Variants in TMEM232 observed in about 807,000 individuals in gnomAD.
TMEM232 encodes the protein transmembrane protein 232.
A neutral mutation model predicts 78.8 loss-of-function variants in TMEM232; 80 were observed. The ratio of observed to expected loss-of-function variants is 1.01; its 90% CI spans 0.85 to 1.22. The LOEUF (loss-of-function observed/expected upper bound fraction) is 1.22, where lower values mean the gene tolerates loss of function less well. Ranked by LOEUF, TMEM232 falls within the 50% of genes most tolerant of loss-of-function variation. The pLI, the probability that TMEM232 is intolerant of heterozygous loss-of-function variation, is 0.00. For synonymous variants in TMEM232, 297 were observed against 254.3 expected (o/e 1.17, Z -1.60); for missense variants, 881 against 742.2 (o/e 1.19, Z -2.17).
At chr5:110,507,986 T>C (rs1021695480) in intron 12 of TMEM232, among the ~76,000 whole-genome samples, 4 of 152,194 alleles carry the variant, frequency 2.6e-5, no homozygotes, top group Admixed American at 1.3e-4. Context: ...TAATAGGTGG[T>C]TGACTTGTCA....
At chr5:110,623,605 G>C (rs1458200730) in intron 7 of TMEM232, among the ~76,000 whole-genome samples, 1 of 152,116 alleles carries the variant, frequency 6.6e-6, no homozygotes, top group Non-Finnish European at 1.5e-5. Context: ...ACCTGGAAAA[G>C]CTAGCTGTAC....
intron 3 of TMEM232, among the ~76,000 whole-genome samples, chr5:110,395,585 AT>A (rs1199960150): frequency 6.6e-6 from 1 of 152,134 alleles, no homozygotes; most frequent in Non-Finnish European, 1.5e-5. Flanking sequence ...AAACTTACAA[AT>A]TTTCAGATTG....
intron 12 of TMEM232, among the ~76,000 whole-genome samples, chr5:110,490,119 CAAAAAGAAAGAA>C (rs1211363360): frequency 5.3e-5 from 4 of 75,658 alleles, no homozygotes; most frequent in African/African-American, 1.6e-4. Flanking sequence ...AACTCCGTTT[CAAAAAGAAAGAA>C]AGAAAGAAAG....
At chr5:110,550,429 G>C (rs1774307524) in intron 11 of TMEM232, among the ~76,000 whole-genome samples, 1 of 151,844 alleles carries the variant, frequency 6.6e-6, no homozygotes. Context: ...AGTAAAATAA[G>C]ATAAGAAAAT....
At chr5:110,711,912 C>T (rs1321744376) in intron 1 of TMEM232, among the ~76,000 whole-genome samples, 1 of 151,810 alleles carries the variant, frequency 6.6e-6, no homozygotes, top group Non-Finnish European at 1.5e-5. Context: ...CAAGACCATA[C>T]CGGCTAACAC....
intron 2 of TMEM232, among the ~76,000 whole-genome samples, chr5:110,656,673 C>T (rs548522183): frequency 2.0e-5 from 3 of 151,976 alleles, no homozygotes; most frequent in Non-Finnish European, 4.4e-5. Context: ...CCCGTCTCTA[C>T]TAAAAATACA....
intron 11 of TMEM232, among the ~76,000 whole-genome samples, chr5:110,533,684 A>G (rs1388648363): frequency 1.8e-4 from 27 of 152,146 alleles, no homozygotes; most frequent in Admixed American, 1.8e-3. Flanking sequence ...CCGGACTTCA[A>G]TCTGGCCTCC....
upstream of TMEM232, chr5:110,738,163 A>C (rs760907652): frequency 2.5e-6 from 3 of 1,211,332 alleles, no homozygotes; most frequent in East Asian, 6.3e-5. Flanking sequence ...AACGAGTTGA[A>C]GGAACATAGG....
rs1774025145 is a variant in TMEM232, at chr5:110,548,270, A to G, written c.1456-19435T>C. 3.3e-5 allele frequency among the ~76,000 whole-genome samples: 5 copies of G among 150,806 alleles called. No individual in the cohort carries two copies. In the South Asian group the frequency reaches 1.0e-3, roughly 31 times the overall value. On this transcript the variant is annotated intron_variant, in intron 11 of 13. Transcript: ENST00000455884. ...CACACACACATACACGAACACATCC[A>G]GATATACATACACATAATTAAAATG...
At chr5:110,413,874 A>G (rs748142686) in intron 2 of TMEM232, among the ~76,000 whole-genome samples, 6 of 152,232 alleles carry the variant, frequency 3.9e-5, no homozygotes, top group African/African-American at 1.4e-4. Flanking sequence ...GACACTGTAA[A>G]TTGTCAAGCC....
downstream of TMEM232, among the ~76,000 whole-genome samples, chr5:110,415,249 G>A (rs1756152719): frequency 6.6e-6 from 1 of 150,544 alleles, no homozygotes; most frequent in Admixed American, 6.6e-5. Flanking sequence ...GTGCAGTGGT[G>A]CGATCTCGGT....
downstream of TMEM232, among the ~76,000 whole-genome samples, chr5:110,418,402 T>C (rs907938589): frequency 6.6e-6 from 1 of 152,138 alleles, no homozygotes; most frequent in African/African-American, 2.4e-5. Flanking sequence ...CCCACAGTCT[T>C]TGCTAATATT....
chr5:110,407,422 TAAAG>T (rs1243025372), intron 2 of TMEM232, among the ~76,000 whole-genome samples: 1 of 152,136 alleles, frequency 6.6e-6, no homozygotes, highest in Non-Finnish European at 1.5e-5. Context: ...TCTATGATTA[TAAAG>T]AGACAAATTT....
At chr5:110,711,352 T>C (rs1332068385) in intron 1 of TMEM232, among the ~76,000 whole-genome samples, 1 of 152,160 alleles carries the variant, frequency 6.6e-6, no homozygotes, top group African/African-American at 2.4e-5. Flanking sequence ...AATCTACAGA[T>C]TCAATGCAAT....
chr5:110,493,888 T>C (rs1422764916), intron 12 of TMEM232, among the ~76,000 whole-genome samples: 4 of 151,982 alleles, frequency 2.6e-5, no homozygotes, highest in African/African-American at 9.7e-5. Context: ...CCCATCAACC[T>C]GTCATCTACA....
intron 12 of TMEM232, among the ~76,000 whole-genome samples, chr5:110,487,165 C>G (rs572322760): frequency 3.3e-5 from 5 of 152,072 alleles, no homozygotes; most frequent in Non-Finnish European, 5.9e-5. Flanking sequence ...AATCTTGTAT[C>G]CAGAAACTTT....
intron 5 of TMEM232, among the ~76,000 whole-genome samples, chr5:110,635,203 A>C (rs914700956): frequency 2.4e-4 from 36 of 152,034 alleles, no homozygotes; most frequent in Admixed American, 1.1e-3. Context: ...AGATTCCCCC[A>C]AAAAAGAAAA....
rs111876338 is a variant in TMEM232, at chr5:110,442,177, C to G, written c.1704-17261G>C. Reference sequence around the variant, plus strand: ...ATATCTTCTCTAGGTTTGGGAAGTTCTATGATATATCTCTTTGAATATACT... The same window carrying G: ...ATATCTTCTCTAGGTTTGGGAAGTTGTATGATATATCTCTTTGAATATACT... On this transcript the variant is annotated intron_variant, in intron 12 of 13. Transcript: ENST00000455884. 3.1e-4 allele frequency among the ~76,000 whole-genome samples: 47 copies of G among 152,184 alleles called. 1 individual carries two copies. The highest frequency in any genetic ancestry group is 8.9e-4 in the African/African-American group (37 of 41,516).
chr5:110,561,585 T>C (rs949949226), intron 11 of TMEM232, among the ~76,000 whole-genome samples: 1 of 152,104 alleles, frequency 6.6e-6, no homozygotes, highest in African/African-American at 2.4e-5. Context: ...TGAAATCCCA[T>C]TTATGCAGCT....
Sources: gnomAD v4.1 joint callset for allele counts (sites outside exome capture counted in the v4.1 genomes callset) on GRCh38, gnomAD v4.1.1 for gene constraint, MANE v1.5 for transcripts, NCBI Gene and HGNC (gene_info 2026-07-23, HGNC 2026-07-21) for gene names.